The following CPT1B variants were observed in gnomAD, a reference collection of about 807,000 sequenced individuals.
The protein encoded by CPT1B is carnitine O-palmitoyltransferase 1, muscle isoform.
In CPT1B, 57 loss-of-function variants were observed where a neutral mutation model predicts 92.7. The ratio of observed to expected loss-of-function variants is 0.62; its 90% CI spans 0.50 to 0.77. The LOEUF (loss-of-function observed/expected upper bound fraction) is 0.77, where lower values mean the gene tolerates loss of function less well. Ranked by LOEUF, CPT1B falls within the 30% of genes least tolerant of loss-of-function variation. CPT1B has a pLI of 0.00. For missense variants in CPT1B, 983 were observed against 1,017.4 expected (o/e 0.97, Z 0.46); for synonymous variants, 398 against 383.5 (o/e 1.04, Z -0.44).
chr22:50,570,120 AG>A lies in CPT1B; in HGVS notation c.2142+172del, dbSNP rs554384675. ...GAGGTATTTGGGATGGGTGGGTCCC[AG>A]GTGCTTGGCTGCCTGAGTCCATAGC... On this transcript the variant is annotated intron_variant, in intron 17 of 19. Coordinates refer to ENST00000312108, the MANE Select transcript of CPT1B (RefSeq NM_152246.3). 1.1e-3 allele frequency among the ~76,000 whole-genome samples: 164 copies of A among 152,336 alleles called. 1 individual carries two copies. The highest frequency in any genetic ancestry group is 3.8e-3 in the African/African-American group (157 of 41,580).
chr22:50,571,822 G>GTGGTCTC, intron 13 of CPT1B, 184 bp downstream of exon 13: 1 of 702,790 alleles, frequency 1.4e-6, no homozygotes, highest in Non-Finnish European at 2.4e-6. Context: ...GGGGCGGTGG[G>GTGGTCTC]TGGTCTCTGT....
chr22:50,572,071 A>C lies in CPT1B; in HGVS notation c.1510T>G (p.Cys504Gly). Residue 504 changes from cysteine to glycine, a missense_variant, in exon 13 of 20, where the codon TGC (cysteine) becomes GGC (glycine). Cys to Gly is a radical substitution (Grantham distance 159, BLOSUM62 -3). Transcript: ENST00000312108. Reference sequence around the variant, plus strand: ...AGCGCAGGGTTCGGTTTGCCCAGGCAGTGCCCGGTCTCCGTGTAGCCCAGG... The same window carrying C: ...AGCGCAGGGTTCGGTTTGCCCAGGCCGTGCCCGGTCTCCGTGTAGCCCAGG... ...FHLGYTETGHCLGKPNPALAP... is the reference protein window; with the variant it reads ...FHLGYTETGHGLGKPNPALAP... The C allele has an allele frequency of 1.9e-6, 3 of 1,614,124 alleles. No homozygotes were observed. Among genetic ancestry groups the C allele is most frequent in the Non-Finnish European group, 2.5e-6 (3 of 1,180,002 alleles).
Position 50,573,417 on chromosome 22 carries a change from G to T in CPT1B, c.1166+103C>A. 1 of 1,036,906 alleles carries T rather than the reference G, an allele frequency of 9.6e-7. No homozygotes were observed. Among genetic ancestry groups the T allele is most frequent in the Non-Finnish European group, 1.4e-6 (1 of 715,012 alleles). The allele number at this position is 1,036,906 out of a possible 1,614,324, so 64.2% of individuals were successfully genotyped here. A position where few individuals can be genotyped will look rare whatever the true frequency, so the allele number is the denominator to read the frequency against. Reference sequence around the variant, plus strand: ...GACCACCAATGCCCCTCCCCTAGTTGTGCCTCCAGCCTCCAGTTCCAGGGT... The same window carrying T: ...GACCACCAATGCCCCTCCCCTAGTTTTGCCTCCAGCCTCCAGTTCCAGGGT... On this transcript the variant is annotated intron_variant, in intron 10 of 19. Coordinates refer to ENST00000312108, the MANE Select transcript of CPT1B (RefSeq NM_152246.3). This position sits in a 1 kb window ranked among gnomAD's most constrained non-coding sequence, Gnocchi z 5.0.
chr22:50,572,729 C>A (rs772322153), intron 11 of CPT1B, 146 bp downstream of exon 11: 1 of 847,978 alleles, frequency 1.2e-6, no homozygotes, highest in Non-Finnish European at 1.8e-6. Flanking sequence ...AAGTGATCCA[C>A]CTGCCTTGGC....
rs1469762800 is a variant in CPT1B, at chr22:50,569,348, G to A, written c.2309C>T (p.Ala770Val). ...GCATTTCTCCAACCTTCAGCTGTAG[G>A]CCTTGGGAACTTGGAAAAGATCAGC... ...DIADLFQVPK[A>V]YS Residue 770 changes from alanine (A) to valine (V), a missense_variant, in exon 19 of 20, where the codon GCC (alanine) becomes GTC (valine). By Grantham distance (64) the Ala-to-Val change is moderately conservative. Coordinates refer to ENST00000312108, the MANE Select transcript of CPT1B (RefSeq NM_152246.3). 1.2e-6 allele frequency: 2 copies of A among 1,614,090 alleles called. No individual in the cohort carries two copies. The highest frequency in any genetic ancestry group is 3.3e-5 in the Admixed American group (2 of 60,018).
chr22:50,576,581 A>G lies in CPT1B; in HGVS notation c.516T>C (p.Ser172=). The change falls in exon 5 of 20, where the codon TCT becomes TCC. Residue 172 remains serine, a synonymous_variant. Coordinates refer to ENST00000312108, the MANE Select transcript of CPT1B (RefSeq NM_152246.3). ...RHPMLYSFQT[S]LPKLPVPRVS... is the part of the protein sequence containing the mutation. ...CCCTGGGCACAGGAAGCTTGGGCAG[A>G]GATGTCTGGAAGCTGTAGAGCATAG... is the stretch of plus-strand genomic sequence containing the variant. The G allele has an allele frequency of 6.2e-7, 1 of 1,608,720 alleles. No individual in the cohort carries two copies. The highest frequency in any genetic ancestry group is 8.5e-7 in the Non-Finnish European group (1 of 1,177,746).
At position 50,573,034 on chromosome 22, in the gene CPT1B, G is replaced by A. The variant is rs2070256215; in HGVS notation, c.1193C>T (p.Ala398Val). The part of the protein sequence containing the change: ...GRVEWAQARQ[A>V]FFSSGKNKAA... ...CTTATTCTTTCCAGAGCTAAAGAAG[G>A]CCTGGCGTGCCTGCGCCCACTCCAC... Residue 398 changes from alanine (A) to valine (V), a missense_variant, in exon 11 of 20, where the codon GCC becomes GTC. Transcript: ENST00000312108. The surrounding 1 kb of genome is among the most constrained non-coding windows in gnomAD (Gnocchi z 5.0). 4 of 1,603,858 alleles carry A rather than the reference G, an allele frequency of 2.5e-6. No homozygotes were observed. The highest frequency in any genetic ancestry group is 3.4e-6 in the Non-Finnish European group (4 of 1,172,090).
At position 50,571,531 on chromosome 22, in the gene CPT1B, C is replaced by T. The variant is rs368775105; in HGVS notation, c.1584G>A (p.Ala528=). Residue 528 remains alanine, a synonymous_variant, in exon 14 of 20, where the codon GCG becomes GCA. Coordinates refer to ENST00000312108, the MANE Select transcript of CPT1B (RefSeq NM_152246.3). ...CCACCTGGTAGGAACTCTCGATGAC[C>T]GCCTGGCACTGCCAAGACATGGGAA... The part of the protein sequence containing the change: ...LQWDIPKQCQ[A]VIESSYQVAK... 189 of 1,612,060 alleles carry T rather than the reference C, an allele frequency of 1.2e-4. No individual in the cohort carries two copies. Among genetic ancestry groups the T allele is most frequent in the Admixed American group, 6.3e-4 (38 of 60,014 alleles).
chr22:50,575,452 G>A (rs1451719680), intron 7 of CPT1B, among the ~76,000 whole-genome samples: 2 of 152,238 alleles, frequency 1.3e-5, no homozygotes, highest in Admixed American at 1.3e-4. Context: ...GCTTATGGAG[G>A]AGAATTCCAG....
In CPT1B at chr22:50,569,365, A is replaced by G; in HGVS notation, c.2292T>C (p.Leu764=). 6.2e-7 allele frequency: 1 copy of G among 1,614,136 alleles called. No homozygotes were observed. Among genetic ancestry groups the G allele is most frequent in the Non-Finnish European group, 8.5e-7 (1 of 1,180,010 alleles). The part of the protein sequence containing the change: ...IRKALLDIAD[L]FQVPKAYS ...AGCTGTAGGCCTTGGGAACTTGGAA[A>G]AGATCAGCAATGTCCAGCAGGGCTT... Residue 764 remains leucine, a synonymous_variant, in exon 19 of 20, where the codon CTT becomes CTC. Transcript: ENST00000312108.
chr22:50,574,243 C>G lies in CPT1B; in HGVS notation c.970+92G>C, dbSNP rs1382277637. On this transcript the variant is annotated intron_variant, in intron 9 of 19. Transcript: ENST00000312108. ...TGACTACTGTTCACAGTTTCAGGAC[C>G]CTGAGACACTGGGGACGCTTGGTGA... 8.2e-6 allele frequency: 8 copies of G among 980,374 alleles called. No individual in the cohort carries two copies. In the South Asian group the frequency reaches 8.4e-5, roughly 10 times the overall value. The allele number at this position is 980,374 out of a possible 1,614,324, so 60.7% of individuals were successfully genotyped here.
intron 9 of CPT1B, among the ~76,000 whole-genome samples, 188 bp downstream of exon 9, chr22:50,574,147 C>T (rs2070322656): frequency 6.6e-6 from 1 of 152,238 alleles, no homozygotes; most frequent in Admixed American, 6.5e-5. Context: ...AGGGGCTCTG[C>T]TCTGGGCCCT....
At chr22:50,576,382 CCTCT>C in intron 5 of CPT1B, 47 bp from the exon 6 acceptor site, 1 of 1,613,006 alleles carries the variant, frequency 6.2e-7, no homozygotes, top group East Asian at 2.2e-5. Context: ...GCAAGGGCTG[CCTCT>C]ATCTTAATCC....
chr22:50,575,713 T>C (rs1374558046), intron 7 of CPT1B, among the ~76,000 whole-genome samples: 1 of 152,158 alleles, frequency 6.6e-6, no homozygotes, highest in East Asian at 1.9e-4. Flanking sequence ...TGGGAACCCA[T>C]GGCCAGGAGG....
rs2070434421 is a variant in CPT1B, at chr22:50,576,345, C to T, written c.562-10G>A. On this transcript the variant is annotated splice_polypyrimidine_tract_variant and intron_variant, in intron 5 of 19. Coordinates refer to ENST00000312108, the MANE Select transcript of CPT1B (RefSeq NM_152246.3). ...GCACAGACTCTAGGTACTGTCCAGC[C>T]AGTTATCATCACCGTGGGGCCAGAT... The T allele has an allele frequency of 2.5e-6, 4 of 1,613,858 alleles. No individual in the cohort carries two copies. The highest frequency in any genetic ancestry group is 2.7e-5 in the African/African-American group (2 of 74,904).
chr22:50,574,027 C>G, intron 9 of CPT1B: 2 of 691,428 alleles, frequency 2.9e-6, no homozygotes, highest in Non-Finnish European at 5.4e-6. Context: ...TGCCAGACCC[C>G]TGGGTGCGCC....
rs2070031417 is a variant in CPT1B, at chr22:50,569,181, C to T, written c.*3-100G>A. On this transcript the variant is annotated intron_variant, in intron 19 of 19. Coordinates refer to ENST00000312108, the MANE Select transcript of CPT1B (RefSeq NM_152246.3). The stretch of plus-strand genomic sequence containing the variant: ...TCCAACCCCACCTCCACCACCTGGG[C>T]CCTCAGGGAGCAGCATCTGCCCAGC... The T allele has an allele frequency of 9.3e-6, 6 of 648,594 alleles. No homozygotes were observed. In the East Asian group the frequency reaches 1.6e-4, roughly 18 times the overall value. The allele number at this position is 648,594 out of a possible 1,614,324, so 40.2% of individuals were successfully genotyped here. A position where few individuals can be genotyped will look rare whatever the true frequency, so the allele number is the denominator to read the frequency against.
At chr22:50,571,866 C>T (rs1569041371) in intron 13 of CPT1B, 140 bp downstream of exon 13, 3 of 839,236 alleles carry the variant, frequency 3.6e-6, no homozygotes, top group East Asian at 4.9e-5. Flanking sequence ...CTACAGGTAT[C>T]CTGAGACGTG....
In CPT1B at chr22:50,574,388, G is replaced by A; in HGVS notation, c.917C>T (p.Ser306Phe). Residue 306 changes from serine (S) to phenylalanine (F), a missense_variant, in exon 9 of 20, where the codon TCC (serine) becomes TTC (phenylalanine). By Grantham distance (155) the Ser-to-Phe change is radical (BLOSUM62 -2). Transcript: ENST00000312108. ...VMALGIVPMC[S>F]YQMERMFNTT... ...GTTGAACATCCTCTCCATCTGGTAG[G>A]AGCACATAGGCACTATGCCCAGTGC... is the stretch of plus-strand genomic sequence containing the variant. 6.2e-7 allele frequency: 1 copy of A among 1,614,028 alleles called. No homozygotes were observed. Among genetic ancestry groups the A allele is most frequent in the South Asian group, 1.1e-5 (1 of 91,084 alleles).
Sources: gnomAD v4.1 joint callset for allele counts (sites outside exome capture counted in the v4.1 genomes callset) on GRCh38, gnomAD v4.1.1 for gene constraint, Gnocchi (gnomAD v3.1) non-coding constraint, MANE v1.5 for transcripts, NCBI Gene and HGNC (gene_info 2026-07-23, HGNC 2026-07-21) for gene names.